CLSTN1: variants seen among roughly 807,000 people sequenced by gnomAD.
The protein encoded by CLSTN1 is calsyntenin-1.
CLSTN1 carries 28 observed loss-of-function variants against 108.3 expected under a neutral mutation model. That is an observed-to-expected ratio of 0.26 (90% CI 0.19 to 0.35). The LOEUF is 0.35. CLSTN1 is among the 10% of genes least tolerant of loss of function. CLSTN1 has a pLI of 1.00. For synonymous variants in CLSTN1, 524 were observed against 534.9 expected (o/e 0.98, Z 0.28); for missense variants, 1,157 against 1,302.6 (o/e 0.89, Z 1.72).
chr1:9,760,252 G>T (rs373257579), intron 2 of CLSTN1, among the ~76,000 whole-genome samples: 18 of 152,144 alleles, frequency 1.2e-4, no homozygotes, highest in African/African-American at 4.3e-4. Context: ...AGTCAGGCTG[G>T]CTCCTTTACC....
At chr1:9,761,027 G>A (rs545785341) in intron 2 of CLSTN1, among the ~76,000 whole-genome samples, 60 of 151,808 alleles carry the variant, frequency 4.0e-4, no homozygotes, top group African/African-American at 1.3e-3. Context: ...GCTCTGTTAC[G>A]CAAATCTACC....
intron 1 of CLSTN1, among the ~76,000 whole-genome samples, chr1:9,791,619 C>T (rs540289273): frequency 1.3e-5 from 2 of 151,200 alleles, no homozygotes; most frequent in East Asian, 2.0e-4. Flanking sequence ...GCAACCTCCG[C>T]CTTCTGGGTT....
chr1:9,737,086 AAG>A (rs1491032503), intron 11 of CLSTN1, among the ~76,000 whole-genome samples: 150 of 152,268 alleles, frequency 9.9e-4, no homozygotes, highest in African/African-American at 3.4e-3. Context: ...ACAAAAAAAA[AAG>A]AGAGACGTCT....
chr1:9,813,098 G>A lies in CLSTN1; in HGVS notation c.91+10545C>T, dbSNP rs549747105. ...GAGAATCGCTTGAACCCAGGAAGTG[G>A]AGGTTGCAGTGAGCCGAGAGTACAC... On this transcript the variant is annotated intron_variant, in intron 1 of 18. Coordinates refer to ENST00000377298, the MANE Select transcript of CLSTN1 (RefSeq NM_001009566.3). Among the ~76,000 whole-genome samples the A allele has an allele frequency of 7.9e-5, 12 of 152,276 alleles. No homozygotes were observed. In the South Asian group the frequency reaches 2.1e-3, roughly 26 times the overall value.
At chr1:9,771,536 C>T (rs1354998616) in intron 2 of CLSTN1, among the ~76,000 whole-genome samples, 1 of 152,106 alleles carries the variant, frequency 6.6e-6, no homozygotes, top group Non-Finnish European at 1.5e-5. Flanking sequence ...ACTGCTTGAA[C>T]CCGGGAGGCA....
intron 1 of CLSTN1, among the ~76,000 whole-genome samples, chr1:9,790,401 T>C (rs889533828): frequency 2.6e-5 from 4 of 151,560 alleles, no homozygotes; most frequent in African/African-American, 9.6e-5. Flanking sequence ...ATGCTGTGAC[T>C]TTTCTTTTTT....
chr1:9,744,347 C>A, intron 8 of CLSTN1, 48 bp downstream of exon 8: 2 of 1,559,032 alleles, frequency 1.3e-6, no homozygotes, highest in Non-Finnish European at 8.7e-7. Flanking sequence ...TGGCACCCAC[C>A]CTACTGGACA....
chr1:9,758,272 C>G (rs1480001711), intron 2 of CLSTN1, among the ~76,000 whole-genome samples: 1 of 151,614 alleles, frequency 6.6e-6, no homozygotes, highest in African/African-American at 2.4e-5. Flanking sequence ...GGATTACAGG[C>G]GTGAGCCACT....
chr1:9,809,541 G>C (rs1654642034), intron 1 of CLSTN1, among the ~76,000 whole-genome samples: 1 of 152,118 alleles, frequency 6.6e-6, no homozygotes, highest in Admixed American at 6.5e-5. Context: ...AGTGCTTTGG[G>C]AGGTCAAGGA....
chr1:9,789,139 T>C (rs1653642443), intron 1 of CLSTN1, among the ~76,000 whole-genome samples: 1 of 151,506 alleles, frequency 6.6e-6, no homozygotes, highest in Non-Finnish European at 1.5e-5. Flanking sequence ...AATGCTGGTG[T>C]ACAAATACCT....
chr1:9,812,634 G>C (rs1306750716), intron 1 of CLSTN1, among the ~76,000 whole-genome samples: 1 of 152,014 alleles, frequency 6.6e-6, no homozygotes, highest in Admixed American at 6.6e-5. Flanking sequence ...AACACCTGAG[G>C]TCGGGAGTTC....
At chr1:9,805,399 C>T (rs953219339) in intron 1 of CLSTN1, among the ~76,000 whole-genome samples, 3 of 152,290 alleles carry the variant, frequency 2.0e-5, no homozygotes, top group African/African-American at 4.8e-5. Flanking sequence ...TCTTTCCCAA[C>T]TATATCTGTG....
chr1:9,730,535 C>T lies in CLSTN1; in HGVS notation c.2919G>A (p.Glu973=). Residue 973 remains glutamate, a synonymous_variant, in exon 19 of 19, where the codon GAG becomes GAA. Transcript: ENST00000377298. The surrounding 1 kb of genome is among the most constrained non-coding windows in gnomAD (Gnocchi z 5.6). ...AGTAGCTGAGGGTGGAGTCATCCCACTCCAGCTGCTGCTGCCGGGTTGCGT... is the reference window on the plus strand; with the variant it reads ...AGTAGCTGAGGGTGGAGTCATCCCATTCCAGCTGCTGCTGCCGGGTTGCGT... ...PQNATRQQQL[E]WDDSTLSY The T allele has an allele frequency of 1.2e-6, 2 of 1,606,242 alleles. No homozygotes were observed.
intron 2 of CLSTN1, among the ~76,000 whole-genome samples, chr1:9,763,433 G>C (rs1652180634): frequency 6.6e-6 from 1 of 152,192 alleles, no homozygotes; most frequent in South Asian, 2.1e-4. Context: ...CTGACTTGGT[G>C]GTTCTAGGGG....
At chr1:9,804,377 A>AAC (rs1461841265) in intron 1 of CLSTN1, among the ~76,000 whole-genome samples, 1 of 151,460 alleles carries the variant, frequency 6.6e-6, no homozygotes, top group Non-Finnish European at 1.5e-5. Context: ...AAAAAAAAAA[A>AAC]AAAAGGCGAG....
intron 1 of CLSTN1, among the ~76,000 whole-genome samples, chr1:9,820,843 A>T (rs1655164557): frequency 6.6e-6 from 1 of 152,224 alleles, no homozygotes; most frequent in Non-Finnish European, 1.5e-5. Flanking sequence ...ATGCAAAAAG[A>T]AAAAGTGTTG....
intron 1 of CLSTN1, among the ~76,000 whole-genome samples, chr1:9,777,086 G>A (rs1652989089): frequency 1.3e-5 from 2 of 151,896 alleles, no homozygotes; most frequent in Admixed American, 6.6e-5. Flanking sequence ...CGGGTGTGGT[G>A]ACACGCACCT....
chr1:9,733,870 G>A (rs909034457), intron 15 of CLSTN1, 102 bp downstream of exon 15: 5 of 1,266,940 alleles, frequency 3.9e-6, no homozygotes, highest in Non-Finnish European at 5.5e-6. Flanking sequence ...CTCCCTCTAA[G>A]ATAACTCAAC....
At chr1:9,760,065 T>C (rs762233996) in intron 2 of CLSTN1, among the ~76,000 whole-genome samples, 4 of 152,174 alleles carry the variant, frequency 2.6e-5, no homozygotes, top group African/African-American at 4.8e-5. Context: ...GCAGATTTCC[T>C]GCTTGTTGGT....
Sources: gnomAD v4.1 joint callset for allele counts (sites outside exome capture counted in the v4.1 genomes callset) on GRCh38, gnomAD v4.1.1 for gene constraint, Gnocchi (gnomAD v3.1) non-coding constraint, MANE v1.5 for transcripts, NCBI Gene and HGNC (gene_info 2026-07-23, HGNC 2026-07-21) for gene names.